Variants in CCDC14 observed in about 807,000 individuals in gnomAD.
CCDC14 encodes coiled-coil domain-containing protein 14.
A neutral mutation model predicts 81.4 loss-of-function variants in CCDC14; 71 were observed. The ratio of observed to expected loss-of-function variants is 0.87; its 90% CI spans 0.72 to 1.06. CCDC14 has a LOEUF of 1.06. Among genes scored for constraint, CCDC14 ranks in the 50% least tolerant of loss-of-function variants. The probability of loss-of-function intolerance (pLI) is 0.00; values close to 1 mark genes in which losing one functional copy is unlikely to be tolerated. For missense variants in CCDC14, 1,046 were observed against 1,047.3 expected, an observed-to-expected ratio of 1.00 and a Z score of 0.02; for synonymous variants, 332 against 364.8, an observed-to-expected ratio of 0.91 and a Z score of 1.03.
At chr3:123,943,543 C>T (rs930216739) in intron 9 of CCDC14, among the ~76,000 whole-genome samples, 4 of 152,102 alleles carry the variant, frequency 2.6e-5, no homozygotes, top group African/African-American at 7.2e-5. Flanking sequence ...ATAAGAACCC[C>T]ATTTCTGAAG....
chr3:123,947,942 A>T (rs1267463246), intron 7 of CCDC14, among the ~76,000 whole-genome samples: 5 of 152,144 alleles, frequency 3.3e-5, no homozygotes, highest in Admixed American at 6.5e-5. Context: ...TTAAAAATTC[A>T]AAGGGTATAT....
chr3:123,898,700 T>G (rs757784208), intron 5 of CCDC14, among the ~76,000 whole-genome samples: 1 of 152,176 alleles, frequency 6.6e-6, no homozygotes, highest in Non-Finnish European at 1.5e-5. Flanking sequence ...CGTTTTCTTT[T>G]TCTTTGAGAC....
At chr3:123,957,070 T>C (rs2037365964) in intron 1 of CCDC14, 1 of 233,012 alleles carries the variant, frequency 4.3e-6, no homozygotes, top group Non-Finnish European at 8.2e-6. Flanking sequence ...CTTAGCATAA[T>C]GTCTTCAAGC....
intron 1 of CCDC14, 161 bp from the exon 2 acceptor site, chr3:123,956,956 G>T (rs373790379): frequency 4.2e-6 from 2 of 479,548 alleles, no homozygotes; most frequent in Non-Finnish European, 7.3e-6. Context: ...TCTTCTCCCT[G>T]ACCCTAGCAA....
chr3:123,946,991 T>C lies in CCDC14; in HGVS notation c.1013A>G (p.Asn338Ser). The change falls in exon 8 of 13, where the codon AAT becomes AGT. Residue 338 changes from asparagine to serine, a missense_variant. Coordinates refer to ENST00000409697, the MANE Select transcript of CCDC14 (RefSeq NM_001366335.1). ...TTGCTCTCTGGCACATTTTTCTTCATTAGTGGCCAAGAAAGCTGGTTGTGA... is the reference window on the plus strand; with the variant it reads ...TTGCTCTCTGGCACATTTTTCTTCACTAGTGGCCAAGAAAGCTGGTTGTGA... ...TQSQPAFLAT[N>S]EEKCAREQIR... 1.2e-6 allele frequency: 2 copies of C among 1,614,014 alleles called. No homozygotes were observed. The highest frequency in any genetic ancestry group is 1.7e-6 in the Non-Finnish European group (2 of 1,179,874).
In CCDC14 at chr3:123,946,240, A is replaced by G. The variant is rs72964831; in HGVS notation, c.1201+563T>C. Among the ~76,000 whole-genome samples, 1,270 of 152,050 alleles carry G rather than the reference A, an allele frequency of 8.4e-3. 12 individuals are homozygous for G. Among genetic ancestry groups the G allele is most frequent in the African/African-American group, 0.027 (1,134 of 41,452 alleles). On this transcript the variant is annotated intron_variant, in intron 8 of 12. Transcript: ENST00000409697. ...CTGTAACTCATTTCAAGCAAAAGCC[A>G]TTACTATAGAATACATATACAGAAT... is the stretch of plus-strand genomic sequence containing the variant.
At chr3:123,886,393 CTTCT>C in the CCDC14 span, among the ~76,000 whole-genome samples, 6 of 54,304 alleles carry the variant, frequency 1.1e-4, no homozygotes, top group East Asian at 1.2e-3. Flanking sequence ...TCCTTCTTTC[CTTCT>C]TTCTTTCTTT....
intron 12 of CCDC14, among the ~76,000 whole-genome samples, chr3:123,922,660 A>C (rs2035121614): frequency 6.6e-6 from 1 of 152,184 alleles, no homozygotes; most frequent in African/African-American, 2.4e-5. Flanking sequence ...CTGAATCATG[A>C]AGGAATAGAA....
At chr3:123,891,081 A>T in the CCDC14 span, among the ~76,000 whole-genome samples, 1 of 152,218 alleles carries the variant, frequency 6.6e-6, no homozygotes, top group African/African-American at 2.4e-5. Flanking sequence ...CCCAAGCTCT[A>T]TATTGGCCCC....
intron 9 of CCDC14, among the ~76,000 whole-genome samples, chr3:123,935,430 A>T (rs1048454987): frequency 6.6e-6 from 1 of 152,240 alleles, no homozygotes; most frequent in African/African-American, 2.4e-5. Flanking sequence ...AAACAGTTTT[A>T]CATGTGCAAA....
the CCDC14 span, among the ~76,000 whole-genome samples, chr3:123,886,356 CTTTT>C: frequency 7.0e-6 from 1 of 142,264 alleles, no homozygotes; most frequent in Non-Finnish European, 1.6e-5. Flanking sequence ...CTTTTTCTTT[CTTTT>C]TTTCTTTCTT....
chr3:123,900,960 G>T (rs544981026), intron 5 of CCDC14, among the ~76,000 whole-genome samples: 2 of 152,066 alleles, frequency 1.3e-5, no homozygotes, highest in African/African-American at 4.8e-5. Flanking sequence ...TAGGCCAGGC[G>T]CAGTGGCTCA....
At chr3:123,932,886 G>A (rs1468952985) in intron 10 of CCDC14, among the ~76,000 whole-genome samples, 1 of 151,904 alleles carries the variant, frequency 6.6e-6, no homozygotes, top group Non-Finnish European at 1.5e-5. Context: ...ATCACTTGAG[G>A]TCAGGAGTTC....
chr3:123,949,167 G>T, intron 5 of CCDC14, 35 bp from the exon 6 acceptor site: 1 of 1,349,020 alleles, frequency 7.4e-7, no homozygotes, highest in Non-Finnish European at 1.0e-6. Context: ...CTTGAAATAT[G>T]ATTCTTCAAA....
At position 123,914,750 on chromosome 3, in the gene CCDC14, A is replaced by G; in HGVS notation, c.*29T>C. 1 of 1,475,004 alleles carries G rather than the reference A, an allele frequency of 6.8e-7. No individual in the cohort carries two copies. The highest frequency in any genetic ancestry group is 9.0e-7 in the Non-Finnish European group (1 of 1,115,116). The allele number at this position is 1,475,004 out of a possible 1,614,324, so 91.4% of individuals were successfully genotyped here. A position where few individuals can be genotyped will look rare whatever the true frequency, so the allele number is the denominator to read the frequency against. On this transcript the variant is annotated 3_prime_UTR_variant, in exon 13 of 13. Transcript: ENST00000409697. ...ATATAGCCAAGTTCTAGTTTTAAAA[A>G]GAAGCACCTGATGAGTTTTCTTCTG...
chr3:123,920,934 A>AG (rs1297901792), intron 12 of CCDC14, among the ~76,000 whole-genome samples: 1 of 152,222 alleles, frequency 6.6e-6, no homozygotes, highest in Non-Finnish European at 1.5e-5. Context: ...AATGTGTAAG[A>AG]GGGGAGTAAA....
chr3:123,895,808 A>T (rs192154115), downstream of CCDC14, among the ~76,000 whole-genome samples: 1 of 152,368 alleles, frequency 6.6e-6, no homozygotes, highest in Non-Finnish European at 1.5e-5. Context: ...GAACGCTTAT[A>T]CACTGTTGGT....
At chr3:123,943,054 TTA>T (rs1202905245) in intron 9 of CCDC14, among the ~76,000 whole-genome samples, 1 of 151,858 alleles carries the variant, frequency 6.6e-6, no homozygotes, top group Non-Finnish European at 1.5e-5. Flanking sequence ...TTATATATTT[TTA>T]TATATACATA....
At chr3:123,920,327 A>G (rs1263217712) in intron 12 of CCDC14, among the ~76,000 whole-genome samples, 2 of 152,214 alleles carry the variant, frequency 1.3e-5, no homozygotes, top group African/African-American at 4.8e-5. Flanking sequence ...ACCAGAAAGC[A>G]TATTTAGGAA....
Sources: allele counts gnomAD v4.1 joint callset (sites outside exome capture counted in the v4.1 genomes callset), GRCh38; gene constraint gnomAD v4.1.1; transcripts MANE v1.5; gene names NCBI Gene and HGNC (gene_info 2026-07-23, HGNC 2026-07-21).